Variants in FOXP4 observed in about 807,000 individuals in gnomAD.
FOXP4 encodes forkhead box P4, also known as forkhead box protein P4.
A neutral mutation model predicts 82.6 loss-of-function variants in FOXP4; 25 were observed. That is an observed-to-expected ratio of 0.30 (90% CI 0.22 to 0.42). FOXP4 has a LOEUF of 0.42. Among genes scored for constraint, FOXP4 ranks in the 10% least tolerant of loss-of-function variants. FOXP4 has a pLI of 1.00. For missense variants in FOXP4, 785 were observed against 900.9 expected (o/e 0.87, Z 1.65); for synonymous variants, 415 against 388.2 (o/e 1.07, Z -0.81).
intron 5 of FOXP4, among the ~76,000 whole-genome samples, chr6:41,586,363 A>G (rs1766120586): frequency 6.6e-6 from 1 of 152,154 alleles, no homozygotes; most frequent in Admixed American, 6.5e-5. Flanking sequence ...ATGGGGCTCA[A>G]GAGAGACTTG....
chr6:41,575,345 C>G (rs1437779741), intron 2 of FOXP4, among the ~76,000 whole-genome samples: 2 of 152,180 alleles, frequency 1.3e-5, no homozygotes, highest in East Asian at 3.9e-4. Flanking sequence ...CATTCTGTTT[C>G]TGTGTATCCC....
intron 13 of FOXP4, 150 bp from the exon 14 acceptor site, chr6:41,594,720 G>A: frequency 8.2e-7 from 1 of 1,219,422 alleles, no homozygotes; most frequent in Non-Finnish European, 1.1e-6. Context: ...CTTTGGCTGG[G>A]TCTCCTCCCA....
Position 41,565,759 on chromosome 6 carries a change from A to C in FOXP4, c.-2A>C. Reference sequence around the variant, plus strand: ...TCCTCCTCCAGGTACCGCTAGAGCGACATGATGGTGGAATCTGCCTCGGAG... The same window carrying C: ...TCCTCCTCCAGGTACCGCTAGAGCGCCATGATGGTGGAATCTGCCTCGGAG... On this transcript the variant is annotated 5_prime_UTR_variant, in exon 2 of 17. Transcript: ENST00000307972. 6.3e-7 allele frequency: 1 copy of C among 1,598,132 alleles called. No individual in the cohort carries two copies. Among genetic ancestry groups the C allele is most frequent in the South Asian group, 1.1e-5 (1 of 89,290 alleles).
chr6:41,562,480 A>C (rs917176207), intron 1 of FOXP4, among the ~76,000 whole-genome samples: 7 of 151,900 alleles, frequency 4.6e-5, no homozygotes, highest in African/African-American at 1.7e-4. Flanking sequence ...ACTGGGTGTT[A>C]CTCTGTATGC....
In FOXP4 at chr6:41,575,925, A is replaced by C. The variant is rs1180246337; in HGVS notation, c.205-2061A>C. On this transcript the variant is annotated intron_variant, in intron 2 of 16. Coordinates refer to ENST00000307972, the MANE Select transcript of FOXP4 (RefSeq NM_001012426.2). ...CCCTGTACCCCCTCAACCCTACTCT[A>C]CCTCCACCTTTGGAGGACAAAGAGC... 2.0e-5 allele frequency among the ~76,000 whole-genome samples: 3 copies of C among 150,786 alleles called. No individual in the cohort carries two copies. In the East Asian group the frequency reaches 5.9e-4, roughly 29 times the overall value.
chr6:41,587,340 G>A lies in FOXP4; in HGVS notation c.700G>A (p.Glu234Lys), dbSNP rs200300359. The A allele has an allele frequency of 1.9e-4, 299 of 1,612,158 alleles. No individual in the cohort carries two copies. The highest frequency in any genetic ancestry group is 2.7e-4 in the Admixed American group (16 of 59,786). The change falls in exon 7 of 17, where the codon GAG becomes AAG. Residue 234 changes from glutamate to lysine, a missense_variant. Transcript: ENST00000307972. The stretch of plus-strand genomic sequence containing the variant: ...AGACCTGCCCCAGCTGTGGAAGGGC[G>A]AGGGTGCCCCCGGGCAGCCTGCCGA... ...PTDLPQLWKG[E>K]GAPGQPAEDS...
intron 15 of FOXP4, 122 bp downstream of exon 15, chr6:41,597,364 A>G (rs746768240): frequency 1.5e-5 from 15 of 1,010,834 alleles, no homozygotes; most frequent in African/African-American, 4.8e-5. Context: ...TGAAGACCCA[A>G]ACTCTCCGAG....
intron 2 of FOXP4, among the ~76,000 whole-genome samples, chr6:41,575,992 T>C (rs1275661732): frequency 6.6e-6 from 1 of 151,438 alleles, no homozygotes; most frequent in Admixed American, 6.6e-5. Context: ...AGCAAGGTAG[T>C]AGAGGCAGGG....
At chr6:41,585,374 C>G in intron 4 of FOXP4, 57 bp from the exon 5 acceptor site, 2 of 1,569,892 alleles carry the variant, frequency 1.3e-6, no homozygotes, top group East Asian at 4.5e-5. Flanking sequence ...TGGGACAGGG[C>G]TGGGGTTGTG....
intron 3 of FOXP4, 97 bp downstream of exon 3, chr6:41,578,178 G>A (rs1765596810): frequency 9.9e-7 from 1 of 1,010,400 alleles, no homozygotes; most frequent in Admixed American, 2.4e-5. Flanking sequence ...GCTCTTGCCA[G>A]TTCCAACACC....
At chr6:41,565,685 G>A in intron 1 of FOXP4, 60 bp from the exon 2 acceptor site, 2 of 1,476,864 alleles carry the variant, frequency 1.4e-6, no homozygotes, top group South Asian at 2.6e-5. Context: ...GGGGTCAGCA[G>A]TCACTGCCCT....
intron 13 of FOXP4, 81 bp from the exon 14 acceptor site, chr6:41,594,789 G>C: frequency 6.3e-7 from 1 of 1,584,302 alleles, no homozygotes; most frequent in Non-Finnish European, 8.6e-7. Context: ...TGCTGCGTGG[G>C]ACATGGGATG....
rs1020665884 is a variant in FOXP4, at chr6:41,600,909, A to G, written c.*1973A>G. 1 of 152,226 alleles carries G rather than the reference A, an allele frequency of 6.6e-6. No homozygotes were observed. The highest frequency in any genetic ancestry group is 1.5e-5 in the Non-Finnish European group (1 of 68,042). 9.4% of individuals were successfully genotyped at this position (152,226 alleles called of 1,614,324 possible). The stretch of plus-strand genomic sequence containing the variant: ...TTCCAGAGTCCCAATCCTTTGCCCT[A>G]GTTCTTTCACTAGTTTGAAATCCAA... On this transcript the variant is annotated 3_prime_UTR_variant, in exon 17 of 17. Coordinates refer to ENST00000307972, the MANE Select transcript of FOXP4 (RefSeq NM_001012426.2).
rs1581802223 is a variant in FOXP4 at position 41,600,177 on chromosome 6, C to G, written c.*1241C>G. The G allele has an allele frequency of 6.6e-6, 1 of 152,604 alleles. No individual in the cohort carries two copies. The highest frequency in any genetic ancestry group is 1.5e-5 in the Non-Finnish European group (1 of 68,114). The allele number at this position is 152,604 out of a possible 1,614,324, so 9.5% of individuals were successfully genotyped here. ...GTGGAGGCAGGGCCCTGCCCCCCTC[C>G]CTTCCGCTCCTGCCCAGCCTGGGGG... On this transcript the variant is annotated 3_prime_UTR_variant, in exon 17 of 17. Coordinates refer to ENST00000307972, the MANE Select transcript of FOXP4 (RefSeq NM_001012426.2).
intron 3 of FOXP4, among the ~76,000 whole-genome samples, chr6:41,581,372 G>A (rs1349468315): frequency 3.3e-5 from 5 of 152,174 alleles, no homozygotes; most frequent in Admixed American, 1.3e-4. Context: ...CAGTCAGACC[G>A]TCCAGCCGAG....
chr6:41,570,304 C>A (rs912223027), intron 2 of FOXP4: 1 of 471,132 alleles, frequency 2.1e-6, no homozygotes, highest in African/African-American at 2.0e-5. Flanking sequence ...GGCCCGCACT[C>A]TCCAGAGGGG....
Position 41,546,609 on chromosome 6 carries a change from A to G in FOXP4, c.-275A>G, listed in dbSNP as rs1196486351. On this transcript the variant is annotated 5_prime_UTR_variant, in exon 1 of 17. Coordinates refer to ENST00000307972, the MANE Select transcript of FOXP4 (RefSeq NM_001012426.2). Reference sequence around the variant, plus strand: ...GCCCGGGAGCCGGAGCGAGCTGACGAGCGTCGCGGAAGGACCGGGAAGGAA... The same window carrying G: ...GCCCGGGAGCCGGAGCGAGCTGACGGGCGTCGCGGAAGGACCGGGAAGGAA... The G allele has an allele frequency of 6.7e-6, 1 of 148,298 alleles. No homozygotes were observed. Among genetic ancestry groups the G allele is most frequent in the Non-Finnish European group, 1.5e-5 (1 of 66,446 alleles). The allele number at this position is 148,298 out of a possible 1,614,324, so 9.2% of individuals were successfully genotyped here. A position where few individuals can be genotyped will look rare whatever the true frequency, so the allele number is the denominator to read the frequency against.
At chr6:41,567,550 A>G (rs1764952931) in intron 2 of FOXP4, among the ~76,000 whole-genome samples, 1 of 152,220 alleles carries the variant, frequency 6.6e-6, no homozygotes, top group Non-Finnish European at 1.5e-5. Context: ...AAGGCCACCC[A>G]TTTTATATGG....
chr6:41,549,801 G>A (rs1763897104), intron 1 of FOXP4, among the ~76,000 whole-genome samples: 1 of 151,962 alleles, frequency 6.6e-6, no homozygotes, highest in African/African-American at 2.4e-5. Flanking sequence ...TGAGGTGCAA[G>A]GGGAGGGAAG....
Sources: gnomAD v4.1 joint callset for allele counts (sites outside exome capture counted in the v4.1 genomes callset) on GRCh38, gnomAD v4.1.1 for gene constraint, MANE v1.5 for transcripts, NCBI Gene and HGNC (gene_info 2026-07-23, HGNC 2026-07-21) for gene names.